ZNF300: variants seen among roughly 807,000 people sequenced by gnomAD.
ZNF300 encodes zinc finger protein 300.
ZNF300 carries 6 observed loss-of-function variants against 13.9 expected under a neutral mutation model. The observed-to-expected ratio is 0.43, with a 90% confidence interval of 0.24 to 0.85. ZNF300 has a LOEUF of 0.85. ZNF300 is among the 40% of genes least tolerant of loss of function. The probability of loss-of-function intolerance (pLI) is 0.25; values close to 1 mark genes in which losing one functional copy is unlikely to be tolerated. For synonymous variants in ZNF300, 237 were observed against 242.2 expected (o/e 0.98, Z 0.20); for missense variants, 662 against 714.2 (o/e 0.93, Z 0.83).
At chr5:150,901,978 G>A (rs1755009874) in intron 3 of ZNF300, among the ~76,000 whole-genome samples, 1 of 152,012 alleles carries the variant, frequency 6.6e-6, no homozygotes, top group Non-Finnish European at 1.5e-5. Context: ...GAAAATAAGA[G>A]ACATTCTCAC....
At chr5:150,898,677 T>C (rs1754886689) in intron 3 of ZNF300, 123 bp from the exon 4 acceptor site, 1 of 1,180,462 alleles carries the variant, frequency 8.5e-7, no homozygotes, top group African/African-American at 1.6e-5. Context: ...AATAAAATCC[T>C]GTTTTTAGCA....
At chr5:150,901,025 A>T (rs1422065467) in intron 3 of ZNF300, among the ~76,000 whole-genome samples, 1 of 152,106 alleles carries the variant, frequency 6.6e-6, no homozygotes, top group African/African-American at 2.4e-5. Flanking sequence ...TGGAAGTGCT[A>T]TTAAGTGATG....
rs188402299 is a variant in ZNF300 at position 150,901,468 on chromosome 5, C to T, written c.15+1673G>A. Among the ~76,000 whole-genome samples, 283 of 152,066 alleles carry T rather than the reference C, an allele frequency of 1.9e-3. 2 individuals are homozygous for T. Among genetic ancestry groups the T allele is most frequent in the Non-Finnish European group, 5.4e-4 (37 of 67,916 alleles). ...TCAAGTGTTCAGTAACCACATTTGG[C>T]TGATGGCTACTATATTAGACAGCAC... On this transcript the variant is annotated intron_variant, in intron 3 of 5. Coordinates refer to ENST00000274599, the MANE Select transcript of ZNF300 (RefSeq NM_052860.4).
At chr5:150,897,513 T>C (rs1205154051) in intron 5 of ZNF300, 1 of 155,482 alleles carries the variant, frequency 6.4e-6, no homozygotes, top group Admixed American at 6.4e-5. Context: ...TTTCTATACA[T>C]GTCAAGTAAA....
intron 2 of ZNF300, chr5:150,903,519 G>A (rs1047730796): frequency 1.4e-6 from 1 of 709,786 alleles, no homozygotes; most frequent in Admixed American, 2.3e-5. Context: ...ATTTTCATGA[G>A]GCAATAATCA....
intron 5 of ZNF300, 59 bp from the exon 6 acceptor site, chr5:150,897,032 G>T (rs1409936521): frequency 7.4e-7 from 1 of 1,350,850 alleles, no homozygotes. Flanking sequence ...AGAGGGTAAA[G>T]AAGTAGAACA....
intron 3 of ZNF300, 106 bp downstream of exon 3, chr5:150,903,032 TTTG>T: frequency 8.4e-7 from 1 of 1,183,978 alleles, no homozygotes; most frequent in East Asian, 2.3e-5. Context: ...GGTCTTGATC[TTTG>T]TTGTTACCAC....
intron 1 of ZNF300, among the ~76,000 whole-genome samples, chr5:150,904,449 G>A (rs1244577955): frequency 6.6e-6 from 1 of 151,674 alleles, no homozygotes. Context: ...TTAGTCCATA[G>A]CCTCCCATCA....
chr5:150,903,087 T>C (rs1755039224), intron 3 of ZNF300, 54 bp downstream of exon 3: 2 of 1,557,404 alleles, frequency 1.3e-6, no homozygotes, highest in East Asian at 2.2e-5. Flanking sequence ...ACTTTCCATT[T>C]GATTGTATGA....
In ZNF300 at chr5:150,896,379, T is replaced by C. The variant is rs1361904835; in HGVS notation, c.860A>G (p.His287Arg). Residue 287 changes from histidine (H) to arginine (R), a missense_variant, in exon 6 of 6, where the codon CAT (histidine) becomes CGT (arginine). By Grantham distance (29) the His-to-Arg change is conservative (BLOSUM62 0). Transcript: ENST00000274599. The part of the protein sequence containing the change: ...AFAKKSQLIV[H>R]QRIHTGKKPY... ...TTTCTTTCCAGTATGAATTCTTTGA[T>C]GTACAATGAGTTGTGACTTCTTAGC... 4 of 1,613,702 alleles carry C rather than the reference T, an allele frequency of 2.5e-6. No individual in the cohort carries two copies. In the African/African-American group the frequency reaches 4.0e-5, roughly 16 times the overall value.
Position 150,903,126 on chromosome 5 carries a change from TAA to T in ZNF300, c.15+13_15+14del. On this transcript the variant is annotated intron_variant, in intron 3 of 5. Coordinates refer to ENST00000274599, the MANE Select transcript of ZNF300 (RefSeq NM_052860.4). ...ACCAAAGAAGAATTTTTTTTTTTTT[TAA>T]AAAGCAACTCACCTGGGACTTCATC... The T allele has an allele frequency of 6.3e-7, 1 of 1,588,180 alleles. No homozygotes were observed. The highest frequency in any genetic ancestry group is 8.6e-7 in the Non-Finnish European group (1 of 1,168,624).
intron 2 of ZNF300, among the ~76,000 whole-genome samples, chr5:150,903,588 T>G (rs1755056786): frequency 6.6e-6 from 1 of 152,172 alleles, no homozygotes; most frequent in Non-Finnish European, 1.5e-5. Flanking sequence ...AGAATGGGAA[T>G]GACCAAATGG....
At position 150,895,793 on chromosome 5, in the gene ZNF300, T is replaced by C. The variant is rs145921774; in HGVS notation, c.1446A>G (p.Ile482Met). ...KTFSRKSQLIIHQRTHTGEKP... is the reference protein window; with the variant it reads ...KTFSRKSQLIMHQRTHTGEKP... ...TTTCTCCAGTATGTGTTCTCTGATG[T>C]ATGATGAGCTGTGACTTGCGGGAGA... Residue 482 changes from isoleucine to methionine, a missense_variant, in exon 6 of 6, where the codon ATA becomes ATG. Physicochemically the swap from Ile to Met is conservative, Grantham distance 10. Coordinates refer to ENST00000274599, the MANE Select transcript of ZNF300 (RefSeq NM_052860.4). 330 of 1,613,546 alleles carry C rather than the reference T, an allele frequency of 2.0e-4. No individual in the cohort carries two copies. Among genetic ancestry groups the C allele is most frequent in the Non-Finnish European group, 2.6e-4 (307 of 1,179,830 alleles).
At position 150,903,230 on chromosome 5, in the gene ZNF300, C is replaced by G. The variant is rs376948488; in HGVS notation, c.-27-48G>C. 3.1e-6 allele frequency: 5 copies of G among 1,612,914 alleles called. No individual in the cohort carries two copies. In the East Asian group the frequency reaches 6.7e-5, roughly 22 times the overall value. ...CAGAATGTTTTTCATAGTCCAAACC[C>G]AGACTGCAGCTTTCACATTCACCAA... On this transcript the variant is annotated intron_variant, in intron 2 of 5. Transcript: ENST00000274599.
At chr5:150,903,421 T>G (rs1467731282) in intron 2 of ZNF300, 6 of 1,438,778 alleles carry the variant, frequency 4.2e-6, no homozygotes, top group Non-Finnish European at 5.7e-6. Context: ...CAAGGTTTTA[T>G]AATTGGATAG....
Position 150,898,179 on chromosome 5 carries a change from G to C in ZNF300, c.148C>G (p.Pro50Ala). The C allele has an allele frequency of 2.5e-6, 4 of 1,613,142 alleles. No individual in the cohort carries two copies. Among genetic ancestry groups the C allele is most frequent in the Non-Finnish European group, 3.4e-6 (4 of 1,179,582 alleles). ...NYSHLVSMGY[P>A]VSKPDVISKL... ...GAGATGACATCTGGTTTGGAAACTG[G>C]ATACCCTATTAAACAGAAATCACAG... is the stretch of plus-strand genomic sequence containing the variant. The change falls in exon 5 of 6, where the codon CCA becomes GCA. Residue 50 changes from proline (P) to alanine (A), a missense_variant. By Grantham distance (27) the Pro-to-Ala change is conservative. Coordinates refer to ENST00000274599, the MANE Select transcript of ZNF300 (RefSeq NM_052860.4).
chr5:150,901,214 C>T (rs1041488001), intron 3 of ZNF300, among the ~76,000 whole-genome samples: 1 of 152,056 alleles, frequency 6.6e-6, no homozygotes, highest in Non-Finnish European at 1.5e-5. Flanking sequence ...TCCATTCTCC[C>T]TCAAAGCAGT....
At chr5:150,900,372 T>A (rs995133664) in intron 3 of ZNF300, among the ~76,000 whole-genome samples, 4 of 152,066 alleles carry the variant, frequency 2.6e-5, no homozygotes, top group Admixed American at 6.6e-5. Context: ...TGCTGCTTCC[T>A]GTCCTCAGCC....
chr5:150,904,494 A>T (rs573037726), intron 1 of ZNF300, among the ~76,000 whole-genome samples: 1 of 151,978 alleles, frequency 6.6e-6, no homozygotes, highest in East Asian at 1.9e-4. Context: ...CACTGAACCC[A>T]GTTAAACCCA....
Sources: gnomAD v4.1 joint callset for allele counts (sites outside exome capture counted in the v4.1 genomes callset) on GRCh38, gnomAD v4.1.1 for gene constraint, MANE v1.5 for transcripts, NCBI Gene and HGNC (gene_info 2026-07-23, HGNC 2026-07-21) for gene names.